PNKD: variants seen among roughly 807,000 people sequenced by gnomAD.
PNKD encodes the protein PNKD metallo-beta-lactamase domain containing.
Under a neutral mutation model 45.3 loss-of-function variants are expected in PNKD, and 36 were observed. The observed-to-expected ratio is 0.80, with a 90% CI of 0.61 to 1.05. The LOEUF is 1.05. Among genes scored for constraint, PNKD ranks in the 50% least tolerant of loss-of-function variants. PNKD has a pLI of 0.00. For synonymous variants in PNKD, 197 were observed against 210.1 expected (o/e 0.94, Z 0.54); for missense variants, 511 against 506.6 (o/e 1.01, Z -0.08).
At chr2:218,281,131 T>TTTTTTTTTTTTGGG (rs1553658828) in intron 2 of PNKD, 8 of 30,302 alleles carry the variant, frequency 2.6e-4, no homozygotes, top group African/African-American at 1.7e-3. Flanking sequence ...TGTTTTTTGT[T>TTTTTTTTTTTTGGG]TTTTTTTTGG....
At chr2:218,336,382 A>G (rs1371070431) in intron 2 of PNKD, among the ~76,000 whole-genome samples, 1 of 152,182 alleles carries the variant, frequency 6.6e-6, no homozygotes, top group Non-Finnish European at 1.5e-5. Context: ...CATTTGCTTA[A>G]TATTGTGCAA....
In PNKD at chr2:218,340,894, G is replaced by A. The variant is rs113682992; in HGVS notation, c.524+108G>A. 4,293 of 892,066 alleles carry A rather than the reference G, an allele frequency of 4.8e-3. 114 individuals are homozygous for A. The African/African-American group carries it at 0.06, about 13-fold the overall frequency. The allele number at this position is 892,066 out of a possible 1,614,324, so 55.3% of individuals were successfully genotyped here. On this transcript the variant is annotated intron_variant, in intron 5 of 9. Transcript: ENST00000273077. This position sits in a 1 kb window ranked among gnomAD's most constrained non-coding sequence, Gnocchi z 4.2. ...AGAGATCAAGAAGTCAGTACGGGCC[G>A]GCACCCGCCTTCCTCGTGAAGTCAC...
intron 2 of PNKD, chr2:218,281,830 G>A: frequency 2.2e-6 from 2 of 916,928 alleles, no homozygotes; most frequent in Non-Finnish European, 3.4e-6. Context: ...GAGAAGATGA[G>A]AAAGGGATTT....
intron 2 of PNKD, among the ~76,000 whole-genome samples, chr2:218,291,090 C>T (rs1207797656): frequency 6.6e-6 from 1 of 152,166 alleles, no homozygotes; most frequent in African/African-American, 2.4e-5. Flanking sequence ...CACCCATTCC[C>T]AGGGGAGGAG....
At chr2:218,308,081 G>A (rs185309174) in intron 2 of PNKD, among the ~76,000 whole-genome samples, 2 of 150,230 alleles carry the variant, frequency 1.3e-5, no homozygotes, top group East Asian at 3.9e-4. Context: ...ATACTAATAT[G>A]TTTTCATTAT....
rs1263381174 is a variant in PNKD at position 218,271,466 on chromosome 2, G to A, written c.153G>A (p.Glu51=). The change falls in exon 2 of 10, where the codon GAG becomes GAA. Residue 51 remains glutamate, a synonymous_variant. Coordinates refer to ENST00000273077, the MANE Select transcript of PNKD (RefSeq NM_015488.5). Reference sequence around the variant, plus strand: ...GCCACAGCTCCCCAGAGGGCAAGGAGGAACCTGAACCCCTATCCCCGGAGC... The same window carrying A: ...GCCACAGCTCCCCAGAGGGCAAGGAAGAACCTGAACCCCTATCCCCGGAGC... ...LQSHSSPEGK[E]EPEPLSPELE... is the part of the protein sequence containing the mutation. 1 of 1,614,126 alleles carries A rather than the reference G, an allele frequency of 6.2e-7. No individual in the cohort carries two copies. The highest frequency in any genetic ancestry group is 1.3e-5 in the African/African-American group (1 of 75,048).
At chr2:218,310,238 T>G (rs1410012258) in intron 2 of PNKD, among the ~76,000 whole-genome samples, 1 of 152,118 alleles carries the variant, frequency 6.6e-6, no homozygotes, top group Non-Finnish European at 1.5e-5. Flanking sequence ...GTTTTGTTTT[T>G]TTGAGACGGA....
Position 218,326,361 on chromosome 2 carries a change from T to G in PNKD, c.237-13422T>G, listed in dbSNP as rs970613967. Among the ~76,000 whole-genome samples the G allele has an allele frequency of 6.6e-6, 1 of 152,130 alleles. No individual in the cohort carries two copies. The highest frequency in any genetic ancestry group is 1.5e-5 in the Non-Finnish European group (1 of 68,020). On this transcript the variant is annotated intron_variant, in intron 2 of 9. Coordinates refer to ENST00000273077, the MANE Select transcript of PNKD (RefSeq NM_015488.5). The surrounding 1 kb of genome is among the most constrained non-coding windows in gnomAD (Gnocchi z 4.1). Reference sequence around the variant, plus strand: ...GGTGAAACTGGTGAGACACATGCATTTGGGGCTCTGTGGGGCCTGGGAGAC... The same window carrying G: ...GGTGAAACTGGTGAGACACATGCATGTGGGGCTCTGTGGGGCCTGGGAGAC...
At chr2:218,272,644 A>C in intron 2 of PNKD, 1 of 1,614,232 alleles carries the variant, frequency 6.2e-7, no homozygotes, top group East Asian at 2.2e-5. Flanking sequence ...CGTGTGAAGC[A>C]GATGAAGGCT....
rs1270132356 is a variant in PNKD, at chr2:218,281,416, C to T, written c.236+9867C>T. Among the ~76,000 whole-genome samples, 3 of 152,208 alleles carry T rather than the reference C, an allele frequency of 2.0e-5. No homozygotes were observed. In the East Asian group the frequency reaches 5.8e-4, roughly 29 times the overall value. ...CCTCCCAGAGTGCTGGGATTACAGG[C>T]GTGAGCCACCGCGGCCGGCCTCACC... On this transcript the variant is annotated intron_variant, in intron 2 of 9. Coordinates refer to ENST00000273077, the MANE Select transcript of PNKD (RefSeq NM_015488.5).
At chr2:218,311,808 A>G (rs1693623089) in intron 2 of PNKD, among the ~76,000 whole-genome samples, 1 of 152,014 alleles carries the variant, frequency 6.6e-6, no homozygotes, top group South Asian at 2.1e-4. Context: ...CAGACCCTTT[A>G]TGGGTGTCAG....
intron 2 of PNKD, chr2:218,280,158 G>GTCCCC: frequency 6.6e-7 from 1 of 1,508,000 alleles, no homozygotes; most frequent in Non-Finnish European, 9.2e-7. Context: ...CTCAGCTGGG[G>GTCCCC]ACCTGAGACA....
At chr2:218,279,485 G>T in intron 2 of PNKD, 1 of 699,336 alleles carries the variant, frequency 1.4e-6, no homozygotes, top group Non-Finnish European at 2.3e-6. Flanking sequence ...GGCGACCCCA[G>T]TGAGATGCCT....
Position 218,331,110 on chromosome 2 carries a change from G to A in PNKD, c.237-8673G>A, listed in dbSNP as rs149956490. Among the ~76,000 whole-genome samples the A allele has an allele frequency of 3.5e-3, 530 of 152,316 alleles. 1 individual carries two copies. Among genetic ancestry groups the A allele is most frequent in the African/African-American group, 0.011 (461 of 41,576 alleles). The stretch of plus-strand genomic sequence containing the variant: ...TCCTGGGAAGGTGGGACGGGGGATT[G>A]AAGACAGAAGGGCACAGGTTCCAGC... On this transcript the variant is annotated intron_variant, in intron 2 of 9. Transcript: ENST00000273077.
In PNKD at chr2:218,340,300, G is replaced by A. The variant is rs551036583; in HGVS notation, c.465+159G>A. Among the ~76,000 whole-genome samples, 11 of 152,266 alleles carry A rather than the reference G, an allele frequency of 7.2e-5. No homozygotes were observed. The highest frequency in any genetic ancestry group is 2.4e-4 in the African/African-American group (10 of 41,552). ...CATGCGCACACATAGCCTGGGGAAG[G>A]GGGGTACAGGGCATGGCTGGGCAGA... On this transcript the variant is annotated intron_variant, in intron 4 of 9. Coordinates refer to ENST00000273077, the MANE Select transcript of PNKD (RefSeq NM_015488.5). This position sits in a 1 kb window ranked among gnomAD's most constrained non-coding sequence, Gnocchi z 4.2.
chr2:218,295,047 G>A (rs1399132), intron 2 of PNKD, among the ~76,000 whole-genome samples: 80,764 of 152,014 alleles, frequency 0.53, 22,444 homozygotes, highest in South Asian at 0.64. Context: ...GCCCGACTGG[G>A]GGAGTGGGAC....
chr2:218,284,437 G>A (rs1574652947), intron 2 of PNKD, among the ~76,000 whole-genome samples: 1 of 152,234 alleles, frequency 6.6e-6, no homozygotes, highest in Non-Finnish European at 1.5e-5. Context: ...TCCAGACCAA[G>A]GGACTGTGGC....
chr2:218,301,428 AG>A (rs1693264131), intron 2 of PNKD, among the ~76,000 whole-genome samples: 1 of 152,168 alleles, frequency 6.6e-6, no homozygotes, highest in African/African-American at 2.4e-5. Context: ...GGTTGGAACA[AG>A]CCACAATCAG....
At position 218,298,085 on chromosome 2, in the gene PNKD, G is replaced by A. The variant is rs1453317181; in HGVS notation, c.236+26536G>A. ...CGCCTTCCTCAGTTGAGGTCATCTA[G>A]GTGAAAGGCAGTGAGAAAGGCACAT... On this transcript the variant is annotated intron_variant, in intron 2 of 9. Transcript: ENST00000273077. 2.6e-5 allele frequency among the ~76,000 whole-genome samples: 4 copies of A among 152,066 alleles called. No individual in the cohort carries two copies. The South Asian group carries it at 8.3e-4, about 32-fold the overall frequency.
Sources: allele counts gnomAD v4.1 joint callset (sites outside exome capture counted in the v4.1 genomes callset), GRCh38; gene constraint gnomAD v4.1.1; non-coding constraint Gnocchi (gnomAD v3.1); transcripts MANE v1.5; gene names NCBI Gene and HGNC (gene_info 2026-07-23, HGNC 2026-07-21).